The following SPTLC2 variants were observed in gnomAD, a reference collection of about 807,000 sequenced individuals.
SPTLC2 encodes the protein serine palmitoyltransferase 2.
In SPTLC2, 21 loss-of-function variants were observed where a neutral mutation model predicts 62.0. The ratio of observed to expected loss-of-function variants is 0.34; its 90% CI spans 0.24 to 0.49. The LOEUF is 0.49. Among genes scored for constraint, SPTLC2 ranks in the 20% least tolerant of loss-of-function variants. The probability of loss-of-function intolerance (pLI) is 0.99; values close to 1 mark genes in which losing one functional copy is unlikely to be tolerated. For synonymous variants in SPTLC2, 261 were observed against 261.8 expected (o/e 1.00, Z 0.03); for missense variants, 511 against 713.0 (o/e 0.72, Z 3.23).
intron 4 of SPTLC2, 65 bp downstream of exon 4, chr14:77,576,702 T>C: frequency 6.2e-7 from 1 of 1,605,490 alleles, no homozygotes; most frequent in Non-Finnish European, 8.5e-7. Context: ...TCAATATTAC[T>C]ATTATTTGCC....
At chr14:77,513,175 C>T (rs780521892) in intron 11 of SPTLC2, among the ~76,000 whole-genome samples, 5 of 151,238 alleles carry the variant, frequency 3.3e-5, no homozygotes, top group Non-Finnish European at 5.9e-5. Flanking sequence ...CAGGCATGTG[C>T]CATCACACCC....
chr14:77,561,525 C>T (rs372089597), intron 6 of SPTLC2, among the ~76,000 whole-genome samples: 17 of 151,428 alleles, frequency 1.1e-4, no homozygotes, highest in African/African-American at 3.2e-4. Flanking sequence ...GCAGGAGAAT[C>T]GCTTGAACTC....
At chr14:77,545,820 G>A (rs1343162436) in intron 9 of SPTLC2, among the ~76,000 whole-genome samples, 2 of 152,140 alleles carry the variant, frequency 1.3e-5, no homozygotes, top group Non-Finnish European at 2.9e-5. Flanking sequence ...TCTGAAACGA[G>A]GCACAAAAGG....
chr14:77,566,583 A>T (rs886862770), intron 5 of SPTLC2, among the ~76,000 whole-genome samples: 3 of 152,064 alleles, frequency 2.0e-5, no homozygotes, highest in Non-Finnish European at 4.4e-5. Flanking sequence ...CTCCTGCCTC[A>T]GCCTCCCGAG....
intron 1 of SPTLC2, 148 bp from the exon 2 acceptor site, chr14:77,597,528 A>G: frequency 1.4e-6 from 1 of 726,404 alleles, no homozygotes; most frequent in Non-Finnish European, 2.3e-6. Flanking sequence ...TAATCCCAGC[A>G]CTTTGGGAGG....
chr14:77,583,244 T>A (rs530678150), intron 2 of SPTLC2, among the ~76,000 whole-genome samples: 4 of 103,288 alleles, frequency 3.9e-5, no homozygotes, highest in African/African-American at 3.1e-5. Flanking sequence ...TAAATAAAAA[T>A]AATAATTTTA....
Position 77,616,634 on chromosome 14 carries a change from G to C in SPTLC2, c.-55C>G, listed in dbSNP as rs1465729059. The C allele has an allele frequency of 1.3e-6, 2 of 1,509,900 alleles. No homozygotes were observed. Among genetic ancestry groups the C allele is most frequent in the Non-Finnish European group, 1.8e-6 (2 of 1,126,134 alleles). 93.5% of individuals were successfully genotyped at this position (1,509,900 alleles called of 1,614,324 possible). On this transcript the variant is annotated 5_prime_UTR_variant, in exon 1 of 12. Coordinates refer to ENST00000216484, the MANE Select transcript of SPTLC2 (RefSeq NM_004863.4). Reference sequence around the variant, plus strand: ...CTCTGTAGGCGGTGGCAGCGGCGGCGGCTGCTCCAAGTCCCGCTCCGCACC... The same window carrying C: ...CTCTGTAGGCGGTGGCAGCGGCGGCCGCTGCTCCAAGTCCCGCTCCGCACC...
At chr14:77,612,018 C>T (rs2140068126) in intron 1 of SPTLC2, among the ~76,000 whole-genome samples, 1 of 152,188 alleles carries the variant, frequency 6.6e-6, no homozygotes, top group Non-Finnish European at 1.5e-5. Context: ...GGGTCAAGAG[C>T]AAAGGACTTA....
At chr14:77,569,004 A>G (rs2079662406) in intron 5 of SPTLC2, among the ~76,000 whole-genome samples, 1 of 152,122 alleles carries the variant, frequency 6.6e-6, no homozygotes, top group Admixed American at 6.6e-5. Flanking sequence ...GATATAAATA[A>G]CTCCCACATG....
rs955832205 is a variant in SPTLC2, at chr14:77,573,630, G to GT, written c.632-3123dup. On this transcript the variant is annotated intron_variant, in intron 4 of 11. Transcript: ENST00000216484. ...CAGAAGGAATACAGAAGACAATGCT[G>GT]TTTTTTTGTTTTTCTTGAGACAGAG... Among the ~76,000 whole-genome samples the GT allele has an allele frequency of 3.3e-5, 5 of 152,164 alleles. No homozygotes were observed. The East Asian group carries it at 5.8e-4, about 18-fold the overall frequency.
chr14:77,567,057 G>A (rs1008368805), intron 5 of SPTLC2, among the ~76,000 whole-genome samples: 12 of 151,662 alleles, frequency 7.9e-5, no homozygotes, highest in Non-Finnish European at 1.6e-4. Flanking sequence ...TGCCAGCTCC[G>A]CCTCCCGGGT....
intron 8 of SPTLC2, among the ~76,000 whole-genome samples, chr14:77,553,650 G>A (rs2079566984): frequency 6.9e-6 from 1 of 144,954 alleles, no homozygotes; most frequent in African/African-American, 2.6e-5. Flanking sequence ...AGAATCGCTT[G>A]ATCCCAGGAG....
chr14:77,583,458 T>C (rs574204666), intron 2 of SPTLC2, among the ~76,000 whole-genome samples: 2 of 152,122 alleles, frequency 1.3e-5, no homozygotes, highest in East Asian at 3.9e-4. Flanking sequence ...TCTTAGTGAG[T>C]ACTCGATACA....
intron 1 of SPTLC2, among the ~76,000 whole-genome samples, chr14:77,613,791 C>G (rs891525553): frequency 6.6e-6 from 1 of 152,148 alleles, no homozygotes; most frequent in Admixed American, 6.5e-5. Flanking sequence ...CATTTCCCCC[C>G]CAGAAAGAGG....
chr14:77,555,228 G>A, intron 8 of SPTLC2, 72 bp downstream of exon 8: 1 of 1,588,864 alleles, frequency 6.3e-7, no homozygotes, highest in Non-Finnish European at 8.6e-7. Context: ...GGCCCCATCT[G>A]CTAGGCCTGA....
intron 10 of SPTLC2, among the ~76,000 whole-genome samples, chr14:77,520,582 C>G (rs907510173): frequency 3.9e-5 from 6 of 152,316 alleles, no homozygotes; most frequent in East Asian, 1.9e-4. Context: ...CAGGTCACTC[C>G]TTTATTCTAC....
At chr14:77,520,386 C>T (rs1239353041) in intron 10 of SPTLC2, among the ~76,000 whole-genome samples, 1 of 152,174 alleles carries the variant, frequency 6.6e-6, no homozygotes, top group Non-Finnish European at 1.5e-5. Context: ...GATTTAATTT[C>T]CTCTCCCATA....
intron 9 of SPTLC2, 91 bp downstream of exon 9, chr14:77,552,005 G>A: frequency 2.6e-6 from 4 of 1,551,258 alleles, no homozygotes; most frequent in Non-Finnish European, 3.5e-6. Flanking sequence ...TAGTAAACCT[G>A]ACTATTTATT....
intron 9 of SPTLC2, among the ~76,000 whole-genome samples, chr14:77,533,300 C>CAAAAAAAAAA (rs35192294): frequency 1.0e-5 from 1 of 98,496 alleles, no homozygotes. Context: ...AACTCCGTTG[C>CAAAAAAAAAA]AAAAAAAAAA....
Sources: allele counts gnomAD v4.1 joint callset (sites outside exome capture counted in the v4.1 genomes callset), GRCh38; gene constraint gnomAD v4.1.1; transcripts MANE v1.5; gene names NCBI Gene and HGNC (gene_info 2026-07-23, HGNC 2026-07-21).